The following HTR2C variants were observed in gnomAD, a reference collection of about 807,000 sequenced individuals.
HTR2C encodes the protein 5-hydroxytryptamine (serotonin) receptor 2C, G protein-coupled.
In HTR2C, 5 loss-of-function variants were observed where a neutral mutation model predicts 21.0. The ratio of observed to expected loss-of-function variants is 0.24; its 90% CI spans 0.12 to 0.50. The LOEUF is 0.50. Among genes scored for constraint, HTR2C ranks in the 20% least tolerant of loss-of-function variants. The pLI, the probability that HTR2C is intolerant of heterozygous loss-of-function variation, is 0.98. For missense variants in HTR2C, 271 were observed against 371.2 expected, an observed-to-expected ratio of 0.73 and a Z score of 2.22; for synonymous variants, 150 against 145.3, an observed-to-expected ratio of 1.03 and a Z score of -0.23.
At chrX:114,845,945 T>G (rs1379139181) in intron 4 of HTR2C, among the ~76,000 whole-genome samples, 1 of 110,342 alleles carries the variant, frequency 9.1e-6, no homozygotes, top group African/African-American at 3.3e-5. Flanking sequence ...CCCAGGAGGT[T>G]GAGACTGCAG....
chrX:114,837,218 G>C (rs192247688), intron 4 of HTR2C, among the ~76,000 whole-genome samples: 1 of 111,562 alleles, frequency 9.0e-6, no homozygotes, highest in East Asian at 2.8e-4. Flanking sequence ...GAAGTATGTT[G>C]GGAAATAATC....
intron 2 of HTR2C, among the ~76,000 whole-genome samples, chrX:114,685,691 A>G (rs1931890244): frequency 8.9e-6 from 1 of 111,767 alleles, no homozygotes; most frequent in Non-Finnish European, 1.9e-5. Flanking sequence ...ATTATCATAG[A>G]GTCATAGCAG....
rs80116772 is a variant in HTR2C at position 114,763,271 on chromosome X, G to A, written c.349+31664G>A. On this transcript the variant is annotated intron_variant, in intron 4 of 5. Transcript: ENST00000276198. ...GTCTCCGCTGACGCTTTGCCATTTC[G>A]CCACCGGTGCCTTCCATGAGAATGC... 2.3e-3 allele frequency: 285 copies of A among 125,275 alleles called. 2 individuals carry two copies. Among genetic ancestry groups the A allele is most frequent in the South Asian group, 2.2e-3 (6 of 2,709 alleles). 10.3% of individuals were successfully genotyped at this position (125,275 alleles called of 1,213,427 possible).
chrX:114,701,904 G>T (rs1476694966), intron 2 of HTR2C, among the ~76,000 whole-genome samples: 1 of 111,412 alleles, frequency 9.0e-6, no homozygotes, highest in Non-Finnish European at 1.9e-5. Flanking sequence ...CAAGAACTAC[G>T]TGAAGAATGC....
rs1359517696 is a variant in HTR2C at position 114,906,866 on chromosome X, C to T, written c.828C>T (p.Asn276=). 1 of 1,208,727 alleles carries T rather than the reference C, an allele frequency of 8.3e-7. No homozygotes were observed. The highest frequency in any genetic ancestry group is 1.8e-5 in the African/African-American group (1 of 56,704). Residue 276 remains asparagine, a synonymous_variant, in exon 6 of 6, where the codon AAC becomes AAT. Coordinates refer to ENST00000276198, the MANE Select transcript of HTR2C (RefSeq NM_000868.4). ...AGAGGAATACGGCCGAGGAAGAGAA[C>T]TCTGCAAACCCTAACCAAGACCAGA... is the stretch of plus-strand genomic sequence containing the variant. ...CCKRNTAEEE[N]SANPNQDQNA...
chrX:114,829,788 A>T (rs2070705333), intron 4 of HTR2C, among the ~76,000 whole-genome samples: 1 of 111,644 alleles, frequency 9.0e-6, no homozygotes. Flanking sequence ...AGCTGACTGC[A>T]GATAAATAGG....
intron 5 of HTR2C, among the ~76,000 whole-genome samples, chrX:114,865,111 G>T (rs1353543387): frequency 9.1e-6 from 1 of 110,209 alleles, no homozygotes; most frequent in African/African-American, 3.3e-5. Flanking sequence ...GGCAATAGCT[G>T]ACTTGTGTTC....
chrX:114,806,100 A>C (rs201125398), intron 4 of HTR2C, among the ~76,000 whole-genome samples: 3 of 73,037 alleles, frequency 4.1e-5, no homozygotes, highest in Non-Finnish European at 5.5e-5. Flanking sequence ...ACATATATAC[A>C]CCATATATAC....
At chrX:114,842,663 G>A (rs1233460329) in intron 4 of HTR2C, among the ~76,000 whole-genome samples, 2 of 111,919 alleles carry the variant, frequency 1.8e-5, no homozygotes, top group East Asian at 2.8e-4. Context: ...ACCTGTGACC[G>A]GGCTGTCCAT....
intron 2 of HTR2C, among the ~76,000 whole-genome samples, chrX:114,696,468 C>T (rs1351497893): frequency 9.1e-6 from 1 of 110,491 alleles, no homozygotes; most frequent in African/African-American, 3.3e-5. Context: ...CTTAAAATCA[C>T]GAAATTAAGT....
chrX:114,603,381 G>T (rs868949800), intron 1 of HTR2C, among the ~76,000 whole-genome samples: 27 of 106,717 alleles, frequency 2.5e-4, no homozygotes, highest in African/African-American at 7.1e-4. Flanking sequence ...AGCAGCAGCC[G>T]CTGCATGCAG....
intron 2 of HTR2C, among the ~76,000 whole-genome samples, chrX:114,628,379 C>G (rs868916246): frequency 2.0e-5 from 2 of 100,721 alleles, no homozygotes; most frequent in Non-Finnish European, 4.0e-5. Context: ...GCTGGGACTA[C>G]AGGCGTGCAC....
In HTR2C at chrX:114,787,946, CA is replaced by C. The variant is rs1204419085; in HGVS notation, c.349+56358del. On this transcript the variant is annotated intron_variant, in intron 4 of 5. Coordinates refer to ENST00000276198, the MANE Select transcript of HTR2C (RefSeq NM_000868.4). Reference sequence around the variant, plus strand: ...TGGGCAACAGAGCGAGACTCTGTCTCAAAAAAAAAAAAAAAAAAAGAAATCC... The same window carrying C: ...TGGGCAACAGAGCGAGACTCTGTCTCAAAAAAAAAAAAAAAAAAGAAATCC... Among the ~76,000 whole-genome samples, 202 of 33,759 alleles carry C rather than the reference CA, an allele frequency of 6.0e-3. 2 individuals are homozygous for C. Among genetic ancestry groups the C allele is most frequent in the East Asian group, 0.024 (24 of 998 alleles). 29.3% of individuals were successfully genotyped at this position (33,759 alleles called of 115,157 possible). A position where few individuals can be genotyped will look rare whatever the true frequency, so the allele number is the denominator to read the frequency against.
chrX:114,677,978 C>T (rs782333752), intron 2 of HTR2C, among the ~76,000 whole-genome samples: 3 of 109,810 alleles, frequency 2.7e-5, no homozygotes, highest in African/African-American at 9.9e-5. Context: ...TTTTCTCGAG[C>T]TTTCGTGATA....
intron 4 of HTR2C, among the ~76,000 whole-genome samples, chrX:114,760,294 C>G (rs2069852990): frequency 9.0e-6 from 1 of 111,230 alleles, no homozygotes; most frequent in African/African-American, 3.3e-5. Flanking sequence ...TTTCTATAGC[C>G]TTCTTTTTGG....
At chrX:114,594,147 T>G (rs1278864298) in intron 1 of HTR2C, among the ~76,000 whole-genome samples, 2 of 112,020 alleles carry the variant, frequency 1.8e-5, no homozygotes, top group African/African-American at 6.5e-5. Flanking sequence ...CTACAAACTC[T>G]ACACAAAAGA....
At chrX:114,795,643 T>G (rs2070285098) in intron 4 of HTR2C, among the ~76,000 whole-genome samples, 1 of 111,844 alleles carries the variant, frequency 8.9e-6, no homozygotes, top group Non-Finnish European at 1.9e-5. Context: ...ATTTCTTGTT[T>G]TTGTCAGGTT....
chrX:114,725,316 G>A (rs1933411986), intron 2 of HTR2C, among the ~76,000 whole-genome samples: 1 of 111,516 alleles, frequency 9.0e-6, no homozygotes, highest in African/African-American at 3.3e-5. Context: ...ATCGGCTCCT[G>A]AGGCTTCTGC....
intron 4 of HTR2C, among the ~76,000 whole-genome samples, chrX:114,843,495 T>A (rs1281229626): frequency 1.8e-5 from 2 of 111,066 alleles, no homozygotes; most frequent in African/African-American, 6.5e-5. Flanking sequence ...TGAGACACTA[T>A]CAAGTTTACC....
Sources: allele counts gnomAD v4.1 joint callset (sites outside exome capture counted in the v4.1 genomes callset), GRCh38; gene constraint gnomAD v4.1.1; transcripts MANE v1.5; gene names NCBI Gene and HGNC (gene_info 2026-07-23, HGNC 2026-07-21).